The following SLC25A36 variants were observed in gnomAD, a reference collection of about 807,000 sequenced individuals.
SLC25A36 encodes the protein epididymis secretory sperm binding protein.
In SLC25A36, 24 loss-of-function variants were observed where a neutral mutation model predicts 35.3. The ratio of observed to expected loss-of-function variants is 0.68; its 90% confidence interval spans 0.49 to 0.96. SLC25A36 has a LOEUF of 0.96. SLC25A36 is among the 40% of genes least tolerant of loss of function. The probability of loss-of-function intolerance (pLI) is 0.00; values close to 1 mark genes in which losing one functional copy is unlikely to be tolerated. For missense variants in SLC25A36, 294 were observed against 381.1 expected (o/e 0.77, Z 1.90); for synonymous variants, 141 against 132.2 (o/e 1.07, Z -0.46).
chr3:140,952,313 C>T (rs904621990), intron 1 of SLC25A36, among the ~76,000 whole-genome samples: 2 of 152,028 alleles, frequency 1.3e-5, no homozygotes, highest in South Asian at 2.1e-4. Context: ...CCACAACGCC[C>T]GGCCTCTTTC....
At chr3:140,959,222 G>T (rs765733358) in intron 2 of SLC25A36, among the ~76,000 whole-genome samples, 5 of 151,660 alleles carry the variant, frequency 3.3e-5, no homozygotes, top group Non-Finnish European at 7.4e-5. Flanking sequence ...TACCAGGTTG[G>T]CCAGGCTGGT....
rs1230063941 is a variant in SLC25A36, at chr3:140,980,926, A to G, written c.*4473A>G. ...TGTTCATAGAGTGCTGTGTTTATAC[A>G]GTGGTGTCATGTGATTTCTTAATAG... On this transcript the variant is annotated 3_prime_UTR_variant, in exon 7 of 7. Coordinates refer to ENST00000324194, the MANE Select transcript of SLC25A36 (RefSeq NM_001104647.3). Among the ~76,000 whole-genome samples, 1 of 152,184 alleles carries G rather than the reference A, an allele frequency of 6.6e-6. No individual in the cohort carries two copies. The highest frequency in any genetic ancestry group is 2.4e-5 in the African/African-American group (1 of 41,444).
At position 140,947,301 on chromosome 3, in the gene SLC25A36, T is replaced by A. The variant is rs139179202; in HGVS notation, c.41+5206T>A. On this transcript the variant is annotated intron_variant, in intron 1 of 6. Transcript: ENST00000324194. ...CAGTTTTAAGGTTTGCTGTAAAGGG[T>A]AGCAACGAAAGGGGGAAATTTACTT... Among the ~76,000 whole-genome samples the A allele has an allele frequency of 5.3e-3, 812 of 152,196 alleles. 13 individuals are homozygous for A. Among genetic ancestry groups the A allele is most frequent in the African/African-American group, 0.019 (771 of 41,522 alleles).
Position 140,963,169 on chromosome 3 carries a change from G to C in SLC25A36, c.327G>C (p.Leu109Phe), listed in dbSNP as rs1447261727. The C allele has an allele frequency of 6.3e-7, 1 of 1,595,722 alleles. No individual in the cohort carries two copies. Among genetic ancestry groups the C allele is most frequent in the Non-Finnish European group, 8.5e-7 (1 of 1,175,274 alleles). Residue 109 changes from leucine (L) to phenylalanine (F), a missense_variant, in exon 4 of 7, where the codon TTG (leucine) becomes TTC (phenylalanine). By Grantham distance (22) the Leu-to-Phe change is conservative (BLOSUM62 0). Transcript: ENST00000324194. ...FAAYSNCKEK[L>F]NDVFDPDSTQ... ...CTTATTCAAACTGCAAGGAAAAGTTGAATGATGTATTTGATCCTGATTCTA... is the reference window on the plus strand; with the variant it reads ...CTTATTCAAACTGCAAGGAAAAGTTCAATGATGTATTTGATCCTGATTCTA...
chr3:140,967,121 C>T (rs1934778261), intron 4 of SLC25A36: 2 of 447,090 alleles, frequency 4.5e-6, no homozygotes, highest in African/African-American at 2.0e-5. Context: ...AATTAGAAGG[C>T]GGGAAATTAA....
intron 2 of SLC25A36, among the ~76,000 whole-genome samples, chr3:140,957,418 A>G (rs1559812746): frequency 6.6e-6 from 1 of 152,158 alleles, no homozygotes; most frequent in Non-Finnish European, 1.5e-5. Context: ...ACATAAGTAC[A>G]TGAATAGGTA....
intron 3 of SLC25A36, among the ~76,000 whole-genome samples, chr3:140,962,832 T>G (rs1339404768): frequency 1.3e-5 from 2 of 152,040 alleles, no homozygotes; most frequent in Non-Finnish European, 2.9e-5. Context: ...TTTTTTCTTT[T>G]TATCTTCTTG....
chr3:140,954,608 C>T (rs959949782), intron 1 of SLC25A36, among the ~76,000 whole-genome samples: 1 of 152,170 alleles, frequency 6.6e-6, no homozygotes, highest in Admixed American at 6.5e-5. Context: ...AATGGATCTA[C>T]TTTGCATTTC....
intron 1 of SLC25A36, among the ~76,000 whole-genome samples, chr3:140,950,699 C>T (rs1202051760): frequency 1.3e-5 from 2 of 152,102 alleles, no homozygotes; most frequent in Non-Finnish European, 2.9e-5. Flanking sequence ...CTAATCTGGT[C>T]ACTTTTCCTC....
intron 1 of SLC25A36, among the ~76,000 whole-genome samples, chr3:140,943,586 A>G (rs1439430417): frequency 9.9e-5 from 15 of 152,248 alleles, no homozygotes; most frequent in Non-Finnish European, 4.4e-5. Flanking sequence ...TCTTGTAATT[A>G]GATCTATAAC....
Position 140,970,935 on chromosome 3 carries a change from G to T in SLC25A36, c.394G>T (p.Ala132Ser). The T allele has an allele frequency of 6.8e-7, 1 of 1,473,926 alleles. No individual in the cohort carries two copies. The highest frequency in any genetic ancestry group is 9.5e-7 in the Non-Finnish European group (1 of 1,053,832). 91.3% of individuals were successfully genotyped at this position (1,473,926 alleles called of 1,614,324 possible). A position where few individuals can be genotyped will look rare whatever the true frequency, so the allele number is the denominator to read the frequency against. ...TAAACATGTTTGTTTAGGTTTTACT[G>T]CAATCACAGCAACCAACCCCATTTG... ...MISAAMAGFT[A>S]ITATNPIWLI... The change falls in exon 5 of 7, where the codon GCA (alanine) becomes TCA (serine). Residue 132 changes from alanine (A) to serine (S), a missense_variant. Ala to Ser is a moderately conservative substitution (Grantham distance 99, BLOSUM62 1). Transcript: ENST00000324194.
At chr3:140,953,562 T>G (rs1232788044) in intron 1 of SLC25A36, among the ~76,000 whole-genome samples, 2 of 152,218 alleles carry the variant, frequency 1.3e-5, no homozygotes, top group Middle Eastern at 3.2e-3. Context: ...CAAATCAGAT[T>G]TGTCAAGGTA....
In SLC25A36 at chr3:140,979,195, A is replaced by T. The variant is rs1043497426; in HGVS notation, c.*2742A>T. On this transcript the variant is annotated 3_prime_UTR_variant, in exon 7 of 7. Coordinates refer to ENST00000324194, the MANE Select transcript of SLC25A36 (RefSeq NM_001104647.3). Reference sequence around the variant, plus strand: ...ATTTGTAACTTTGAAGTCAGGATAGAATATCATTAGATTATCTGTGAGATA... The same window carrying T: ...ATTTGTAACTTTGAAGTCAGGATAGTATATCATTAGATTATCTGTGAGATA... The T allele has an allele frequency of 4.6e-5, 7 of 152,190 alleles. No homozygotes were observed. Among genetic ancestry groups the T allele is most frequent in the Non-Finnish European group, 8.8e-5 (6 of 68,014 alleles). The allele number at this position is 152,190 out of a possible 1,614,324, so 9.4% of individuals were successfully genotyped here.
chr3:140,968,064 A>C, intron 4 of SLC25A36: 1 of 985,132 alleles, frequency 1.0e-6, no homozygotes, highest in Non-Finnish European at 1.2e-6. Flanking sequence ...AGATATGTTT[A>C]GCTTGGGCTA....
chr3:140,963,685 G>T (rs1025358448), intron 4 of SLC25A36: 2 of 154,694 alleles, frequency 1.3e-5, no homozygotes, highest in African/African-American at 4.8e-5. Flanking sequence ...ATTTTTGTGA[G>T]TGATGTATTA....
At chr3:140,958,143 T>TTTCTGAGA (rs1375619628) in intron 2 of SLC25A36, among the ~76,000 whole-genome samples, 5 of 152,196 alleles carry the variant, frequency 3.3e-5, no homozygotes, top group Non-Finnish European at 7.3e-5. Context: ...GAAGTCTGGC[T>TTTCTGAGA]ACTCAGTTCA....
intron 3 of SLC25A36, among the ~76,000 whole-genome samples, 172 bp from the exon 4 acceptor site, chr3:140,962,955 C>T (rs1338089272): frequency 6.6e-6 from 1 of 151,792 alleles, no homozygotes; most frequent in African/African-American, 2.4e-5. Flanking sequence ...TGAGTCAATA[C>T]AGAAAGTACT....
At chr3:140,966,213 G>A (rs1934754265) in intron 4 of SLC25A36, 1 of 160,110 alleles carries the variant, frequency 6.2e-6, no homozygotes, top group Admixed American at 6.5e-5. Flanking sequence ...TTAAATACAG[G>A]TATTGTCTTG....
intron 4 of SLC25A36, chr3:140,966,788 C>CT (rs999323605): frequency 4.7e-5 from 18 of 381,842 alleles, no homozygotes; most frequent in South Asian, 1.3e-4. Flanking sequence ...ATATTCCTTT[C>CT]TTTTTTTTAA....
Sources: gnomAD v4.1 joint callset for allele counts (sites outside exome capture counted in the v4.1 genomes callset) on GRCh38, gnomAD v4.1.1 for gene constraint, MANE v1.5 for transcripts, NCBI Gene and HGNC (gene_info 2026-07-23, HGNC 2026-07-21) for gene names.